Variants in LATS1 observed in about 807,000 individuals in gnomAD.
LATS1 encodes the protein serine/threonine-protein kinase LATS1.
Under a neutral mutation model 106.6 loss-of-function variants are expected in LATS1, and 25 were observed. The observed-to-expected ratio is 0.23, with a 90% CI of 0.17 to 0.33. The LOEUF is 0.33. Among genes scored for constraint, LATS1 ranks in the 10% least tolerant of loss-of-function variants. The pLI is 1.00. For synonymous variants in LATS1, 465 were observed against 455.6 expected, an observed-to-expected ratio of 1.02 and a Z score of -0.26; for missense variants, 1,040 against 1,382.6, an observed-to-expected ratio of 0.75 and a Z score of 3.93.
chr6:149,702,468 G>A (rs1171706989), intron 1 of LATS1: 3 of 192,038 alleles, frequency 1.6e-5, no homozygotes, highest in African/African-American at 7.1e-5. Context: ...ACCTCAAATC[G>A]TAGCTATGAT....
chr6:149,678,330 C>T (rs889145624), intron 5 of LATS1, among the ~76,000 whole-genome samples: 2 of 150,740 alleles, frequency 1.3e-5, no homozygotes, highest in East Asian at 2.0e-4. Context: ...GGCAACAGAG[C>T]GAGACTCCGT....
chr6:149,673,835 C>T (rs926802867), intron 7 of LATS1, among the ~76,000 whole-genome samples: 2 of 151,672 alleles, frequency 1.3e-5, no homozygotes, highest in South Asian at 2.1e-4. Flanking sequence ...CCACCATGCA[C>T]GGCTAATTTT....
At chr6:149,709,903 T>G (rs373362967) in intron 1 of LATS1, among the ~76,000 whole-genome samples, 2 of 152,024 alleles carry the variant, frequency 1.3e-5, no homozygotes, top group African/African-American at 4.8e-5. Context: ...CTTGAACTCC[T>G]GACCTCGTGA....
chr6:149,672,780 T>C (rs894066679), intron 7 of LATS1, among the ~76,000 whole-genome samples: 4 of 151,786 alleles, frequency 2.6e-5, no homozygotes, highest in African/African-American at 9.7e-5. Flanking sequence ...ACCCAGTCTT[T>C]ACTAAAAATA....
chr6:149,688,396 C>T (rs1443104544), intron 3 of LATS1, among the ~76,000 whole-genome samples: 2 of 152,072 alleles, frequency 1.3e-5, no homozygotes, highest in African/African-American at 2.4e-5. Flanking sequence ...GCAACCTCTG[C>T]CTCCCGGGTT....
intron 3 of LATS1, among the ~76,000 whole-genome samples, chr6:149,688,504 T>G (rs1782534622): frequency 6.6e-6 from 1 of 151,726 alleles, no homozygotes; most frequent in Non-Finnish European, 1.5e-5. Context: ...GAGATGGGGT[T>G]TCACTATGCT....
At chr6:149,693,894 A>T (rs7754399) in intron 3 of LATS1, among the ~76,000 whole-genome samples, 52,304 of 151,794 alleles carry the variant, frequency 0.34, 10,628 homozygotes, top group East Asian at 0.81. Flanking sequence ...GTTCAAGACC[A>T]GTCTGGCCAA....
intron 1 of LATS1, among the ~76,000 whole-genome samples, chr6:149,704,887 T>TACACACACACACACAC (rs57029776): frequency 8.4e-4 from 118 of 139,872 alleles, no homozygotes; most frequent in African/African-American, 2.6e-3. Context: ...AAATTAATTA[T>TACACACACACACACAC]ACACACACAC....
Position 149,668,215 on chromosome 6 carries a change from G to A in LATS1, c.2884-5977C>T, listed in dbSNP as rs368487354. On this transcript the variant is annotated intron_variant, in intron 7 of 7. Transcript: ENST00000543571. ...ATTACAGGCATGAGCCACTGCGCCC[G>A]GCCTCAAGTGATAATATTCTAAGGA... 1.1e-4 allele frequency among the ~76,000 whole-genome samples: 17 copies of A among 150,714 alleles called. No individual in the cohort carries two copies. The South Asian group carries it at 1.5e-3, about 13-fold the overall frequency.
intron 3 of LATS1, among the ~76,000 whole-genome samples, chr6:149,685,266 G>T (rs1782307947): frequency 6.6e-6 from 1 of 152,102 alleles, no homozygotes; most frequent in South Asian, 2.1e-4. Flanking sequence ...TTTTTGAAGA[G>T]ATATAATTTC....
rs754876507 is a variant in LATS1, at chr6:149,706,118, G to A, written c.-140-3852C>T. On this transcript the variant is annotated intron_variant, in intron 1 of 7. Coordinates refer to ENST00000543571, the MANE Select transcript of LATS1 (RefSeq NM_004690.4). The stretch of plus-strand genomic sequence containing the variant: ...GAATCGCTTGAACCCGGGAGGTGGA[G>A]GTTGTGGTGAGCCGAGATCGTGCCA... Among the ~76,000 whole-genome samples the A allele has an allele frequency of 1.1e-3, 159 of 146,720 alleles. 3 individuals carry two copies. Among genetic ancestry groups the A allele is most frequent in the Non-Finnish European group, 2.7e-4 (18 of 67,294 alleles).
chr6:149,702,599 A>G (rs897711397), intron 1 of LATS1, among the ~76,000 whole-genome samples: 7 of 152,218 alleles, frequency 4.6e-5, no homozygotes, highest in African/African-American at 1.7e-4. Flanking sequence ...CTAGAGGATC[A>G]AATTTTAAAT....
chr6:149,715,861 G>T (rs1209215750), intron 1 of LATS1, among the ~76,000 whole-genome samples: 1 of 152,096 alleles, frequency 6.6e-6, no homozygotes, highest in Admixed American at 6.5e-5. Context: ...TAGGCAAAAA[G>T]AATTTTTAAA....
rs1419147996 is a variant in LATS1 at position 149,673,345 on chromosome 6, C to T, written c.2883+2915G>A. 4.6e-5 allele frequency among the ~76,000 whole-genome samples: 7 copies of T among 151,804 alleles called. 1 individual carries two copies. The highest frequency in any genetic ancestry group is 2.0e-4 in the Admixed American group (3 of 15,250). On this transcript the variant is annotated intron_variant, in intron 7 of 7. Transcript: ENST00000543571. ...CAATTCTTGGCTCAAGCAATCCACC[C>T]GCCTTGGCTTACCAAAGTGCTAGGA... is the stretch of plus-strand genomic sequence containing the variant.
chr6:149,676,485 A>T, intron 6 of LATS1, 70 bp downstream of exon 6: 1 of 1,442,598 alleles, frequency 6.9e-7, no homozygotes, highest in Non-Finnish European at 9.6e-7. Flanking sequence ...CTGAAAAATA[A>T]GGCATATTCT....
chr6:149,693,249 C>T (rs1782874440), intron 3 of LATS1, among the ~76,000 whole-genome samples: 1 of 150,790 alleles, frequency 6.6e-6, no homozygotes, highest in South Asian at 2.1e-4. Context: ...TGCACTCCAG[C>T]CTGGGTGACA....
rs753329720 is a variant in LATS1 at position 149,684,164 on chromosome 6, G to A, written c.925C>T (p.Pro309Ser). 9 of 1,614,104 alleles carry A rather than the reference G, an allele frequency of 5.6e-6. No individual in the cohort carries two copies. Reference sequence around the variant, plus strand: ...TGTCCTTGATTAGGAGGATTCATGGGGGAAGTGTTGAGAGGTGGTGGAGGA... The same window carrying A: ...TGTCCTTGATTAGGAGGATTCATGGAGGAAGTGTTGAGAGGTGGTGGAGGA... Reference protein sequence around the residue: ...GYPPPPLNTSPMNPPNQGQRG... With the variant: ...GYPPPPLNTSSMNPPNQGQRG... Residue 309 changes from proline to serine, a missense_variant, in exon 4 of 8, where the codon CCC becomes TCC. Coordinates refer to ENST00000543571, the MANE Select transcript of LATS1 (RefSeq NM_004690.4).
intron 3 of LATS1, 29 bp downstream of exon 3, chr6:149,695,045 A>T (rs767160155): frequency 6.5e-7 from 1 of 1,549,862 alleles, no homozygotes; most frequent in Admixed American, 2.1e-5. Flanking sequence ...AAAAGAAGAG[A>T]TGAGAAAATA....
intron 3 of LATS1, among the ~76,000 whole-genome samples, chr6:149,693,609 C>A (rs1022546236): frequency 8.5e-6 from 1 of 117,430 alleles, no homozygotes; most frequent in Non-Finnish European, 1.7e-5. Flanking sequence ...GACTCCATCT[C>A]AAAAACAAAC....
Sources: gnomAD v4.1 joint callset for allele counts (sites outside exome capture counted in the v4.1 genomes callset) on GRCh38, gnomAD v4.1.1 for gene constraint, MANE v1.5 for transcripts, NCBI Gene and HGNC (gene_info 2026-07-23, HGNC 2026-07-21) for gene names.